Variants in STK10 observed in about 807,000 individuals in gnomAD.
STK10 encodes serine/threonine-protein kinase 10.
Under a neutral mutation model 113.8 loss-of-function variants are expected in STK10, and 78 were observed. That is an observed-to-expected ratio of 0.69 (90% CI 0.57 to 0.83). The LOEUF is 0.83. STK10 is among the 40% of genes least tolerant of loss of function. The probability of loss-of-function intolerance (pLI) is 0.00; values close to 1 mark genes in which losing one functional copy is unlikely to be tolerated. For missense variants in STK10, 1,109 were observed against 1,280.1 expected (o/e 0.87, Z 2.04); for synonymous variants, 465 against 494.7 (o/e 0.94, Z 0.80).
chr5:172,137,656 G>A (rs989296770), intron 2 of STK10, among the ~76,000 whole-genome samples: 8 of 150,898 alleles, frequency 5.3e-5, no homozygotes, highest in South Asian at 2.1e-4. Context: ...CGAGGCGGGC[G>A]GATCACAAGG....
intron 12 of STK10, among the ~76,000 whole-genome samples, chr5:172,078,989 C>T (rs1768373550): frequency 6.6e-6 from 1 of 151,776 alleles, no homozygotes; most frequent in Non-Finnish European, 1.5e-5. Context: ...ACGGTGTGCA[C>T]ATGTGACAGG....
At chr5:172,140,141 C>A (rs546162658) in intron 2 of STK10, among the ~76,000 whole-genome samples, 21 of 152,194 alleles carry the variant, frequency 1.4e-4, no homozygotes, top group African/African-American at 4.8e-4. Flanking sequence ...TGAATGGACA[C>A]CTCTTCAAAG....
intron 2 of STK10, among the ~76,000 whole-genome samples, chr5:172,136,491 G>T (rs1249882509): frequency 6.6e-6 from 1 of 152,170 alleles, no homozygotes; most frequent in Non-Finnish European, 1.5e-5. Context: ...CAGCTACTCG[G>T]GAGGCTGAGG....
intron 1 of STK10, among the ~76,000 whole-genome samples, chr5:172,163,603 G>A (rs563615123): frequency 1.3e-5 from 2 of 152,300 alleles, no homozygotes; most frequent in African/African-American, 4.8e-5. Flanking sequence ...AGCTGTCACA[G>A]TGGCCTCCTG....
intron 12 of STK10, among the ~76,000 whole-genome samples, chr5:172,069,512 G>A (rs1213321053): frequency 1.3e-5 from 2 of 152,170 alleles, no homozygotes; most frequent in Non-Finnish European, 2.9e-5. Context: ...CTTAGCTAAA[G>A]TCTAGGAGGC....
Position 172,187,983 on chromosome 5 carries a change from G to A in STK10, c.60C>T (p.Ser20=). 1.2e-6 allele frequency: 2 copies of A among 1,613,588 alleles called. No homozygotes were observed. Among genetic ancestry groups the A allele is most frequent in the Non-Finnish European group, 1.7e-6 (2 of 1,179,808 alleles). Residue 20 remains serine (S), a synonymous_variant, in exon 1 of 19, where the codon TCC becomes TCT. Coordinates refer to ENST00000176763, the MANE Select transcript of STK10 (RefSeq NM_005990.4). This position sits in a 1 kb window ranked among gnomAD's most constrained non-coding sequence, Gnocchi z 4.6. ...LRLSTFEKRK[S]REYEHVRRDL... is the part of the protein sequence containing the mutation. The stretch of plus-strand genomic sequence containing the variant: ...CGCGGCGGACGTGCTCATATTCGCG[G>A]GACTTTCTCTTCTCGAAGGTAGACA...
intron 9 of STK10, among the ~76,000 whole-genome samples, chr5:172,090,832 G>A (rs1768684372): frequency 1.3e-5 from 2 of 151,282 alleles, no homozygotes; most frequent in South Asian, 4.2e-4. Flanking sequence ...CTACTTGGGA[G>A]GCTGAGGCAG....
chr5:172,143,394 AAAATTAAG>A (rs1770019106), intron 2 of STK10, among the ~76,000 whole-genome samples: 1 of 152,184 alleles, frequency 6.6e-6, no homozygotes, highest in African/African-American at 2.4e-5. Flanking sequence ...AGAAAGAAAG[AAAATTAAG>A]GCACTTTGAC....
intron 18 of STK10, 54 bp downstream of exon 18, chr5:172,052,875 T>C: frequency 6.4e-7 from 1 of 1,571,754 alleles, no homozygotes; most frequent in Non-Finnish European, 8.7e-7. Context: ...CAGAGGCCTG[T>C]GCATGGCACA....
intron 9 of STK10, among the ~76,000 whole-genome samples, 166 bp from the exon 10 acceptor site, chr5:172,090,528 G>A (rs1481793160): frequency 2.0e-5 from 3 of 152,064 alleles, no homozygotes; most frequent in Non-Finnish European, 4.4e-5. Flanking sequence ...TAGGAGCTGG[G>A]GGTTCTGAGC....
rs775500880 is a variant in STK10 at position 172,093,639 on chromosome 5, T to C, written c.1327A>G (p.Arg443Gly). The change falls in exon 9 of 19, where the codon AGA becomes GGA. Residue 443 changes from arginine to glycine, a missense_variant. This residue lies in a region of STK10 where 885 missense variants were observed against 991.1 expected (regional missense o/e 0.89). Coordinates refer to ENST00000176763, the MANE Select transcript of STK10 (RefSeq NM_005990.4). This position sits in a 1 kb window ranked among gnomAD's most constrained non-coding sequence, Gnocchi z 4.1. ...CGGCTCTGGCTGGCCTTTTGAGATC[T>C]GTTGGCTGCTGGGCTGAGGTCCCCA... is the stretch of plus-strand genomic sequence containing the variant. Reference protein sequence around the residue: ...QGGDLSPAANRSQKASQSRPN... With the variant: ...QGGDLSPAANGSQKASQSRPN... The C allele has an allele frequency of 1.3e-5, 21 of 1,614,146 alleles. No individual in the cohort carries two copies. Among genetic ancestry groups the C allele is most frequent in the Non-Finnish European group, 1.7e-5 (20 of 1,180,050 alleles).
intron 12 of STK10, among the ~76,000 whole-genome samples, chr5:172,071,134 G>A (rs1768169500): frequency 6.7e-6 from 1 of 148,898 alleles, no homozygotes; most frequent in African/African-American, 2.5e-5. Flanking sequence ...GCTTGAACCT[G>A]GGAGGCAGAG....
At chr5:172,115,844 C>A (rs1161572246) in intron 4 of STK10, among the ~76,000 whole-genome samples, 1 of 152,122 alleles carries the variant, frequency 6.6e-6, no homozygotes, top group Non-Finnish European at 1.5e-5. Context: ...AAGAACCAGG[C>A]CCCCAGCCTG....
chr5:172,151,749 G>A (rs1052266981), intron 2 of STK10, among the ~76,000 whole-genome samples: 12 of 152,204 alleles, frequency 7.9e-5, no homozygotes, highest in Admixed American at 2.6e-4. Context: ...GATGAGGACC[G>A]TTTCCCTCTT....
At chr5:172,107,186 G>C (rs558340722) in intron 5 of STK10, 2 of 203,782 alleles carry the variant, frequency 9.8e-6, no homozygotes, top group Non-Finnish European at 2.0e-5. Context: ...GGTATAAAAG[G>C]GGGGAGAGAG....
Position 172,093,393 on chromosome 5 carries a change from G to A in STK10, c.1554+19C>T. The A allele has an allele frequency of 6.4e-7, 1 of 1,568,886 alleles. No individual in the cohort carries two copies. The highest frequency in any genetic ancestry group is 8.7e-7 in the Non-Finnish European group (1 of 1,152,182). ...GCAATGGTCTTGCTGCAAGCCCGTG[G>A]TGGCAGAGGCGGTGTTACCTTGATG... On this transcript the variant is annotated intron_variant, in intron 9 of 18. Coordinates refer to ENST00000176763, the MANE Select transcript of STK10 (RefSeq NM_005990.4). The surrounding 1 kb of genome is among the most constrained non-coding windows in gnomAD (Gnocchi z 4.1).
intron 2 of STK10, among the ~76,000 whole-genome samples, chr5:172,132,961 A>G (rs1275470140): frequency 6.6e-6 from 1 of 152,190 alleles, no homozygotes; most frequent in Non-Finnish European, 1.5e-5. Flanking sequence ...GAGCTATCCC[A>G]GAGGAAGCAG....
intron 3 of STK10, among the ~76,000 whole-genome samples, chr5:172,123,028 G>A (rs953343775): frequency 3.3e-5 from 5 of 152,272 alleles, no homozygotes; most frequent in South Asian, 2.1e-4. Flanking sequence ...GACATACCAC[G>A]TGGGTATTCT....
At chr5:172,058,570 G>T (rs1048092791) in intron 14 of STK10, among the ~76,000 whole-genome samples, 1 of 152,114 alleles carries the variant, frequency 6.6e-6, no homozygotes, top group Non-Finnish European at 1.5e-5. Context: ...ACTCAAATTT[G>T]TACCCATCCT....
Sources: gnomAD v4.1 joint callset for allele counts (sites outside exome capture counted in the v4.1 genomes callset) on GRCh38, gnomAD v4.1.1 for gene constraint, gnomAD v4.1.1 regional missense constraint, Gnocchi (gnomAD v3.1) non-coding constraint, MANE v1.5 for transcripts, NCBI Gene and HGNC (gene_info 2026-07-23, HGNC 2026-07-21) for gene names.